SOX5: variants seen among roughly 807,000 people sequenced by gnomAD.
SOX5 encodes transcription factor SOX-5.
A neutral mutation model predicts 92.0 loss-of-function variants in SOX5; 9 were observed. The observed-to-expected ratio is 0.10, with a 90% CI of 0.06 to 0.17. SOX5 has a LOEUF of 0.17. Ranked by LOEUF, SOX5 falls within the 10% of genes least tolerant of loss-of-function variation. The pLI, the probability that SOX5 is intolerant of heterozygous loss-of-function variation, is 1.00. For synonymous variants in SOX5, 344 were observed against 336.3 expected, an observed-to-expected ratio of 1.02 and a Z score of -0.25; for missense variants, 642 against 944.5, an observed-to-expected ratio of 0.68 and a Z score of 4.20.
At chr12:23,949,850 A>G, upstream of SOX5, 1 of 435,168 alleles carries the variant, frequency 2.3e-6, no homozygotes, top group Non-Finnish European at 4.1e-6. Flanking sequence ...CAGTCTCTTA[A>G]AGGGGTAGTG....
intron 4 of SOX5, among the ~76,000 whole-genome samples, chr12:23,744,391 A>G (rs2093910522): frequency 6.6e-6 from 1 of 152,164 alleles, no homozygotes; most frequent in Non-Finnish European, 1.5e-5. Context: ...AGAATGGGGT[A>G]TCTCTGAGGG....
chr12:23,910,452 T>C (rs954003638), intron 1 of SOX5, among the ~76,000 whole-genome samples: 3 of 152,126 alleles, frequency 2.0e-5, no homozygotes, highest in Non-Finnish European at 4.4e-5. Context: ...AATACGCATT[T>C]CCTATTTTCA....
At chr12:23,637,116 TC>T (rs2079363233) in intron 8 of SOX5, among the ~76,000 whole-genome samples, 1 of 152,118 alleles carries the variant, frequency 6.6e-6, no homozygotes, top group Admixed American at 6.6e-5. Flanking sequence ...GAAAACAGGA[TC>T]CTTTTGTGTT....
In SOX5 at chr12:23,610,705, A is replaced by T. The variant is rs115572702; in HGVS notation, c.1018-6172T>A. On this transcript the variant is annotated intron_variant, in intron 8 of 14. Coordinates refer to ENST00000451604, the MANE Select transcript of SOX5 (RefSeq NM_006940.6). ...AGTAATATAGATAAAATTCACATTC[A>T]TTCACTCATTTCATTTGCTTGAGAG... Among the ~76,000 whole-genome samples the T allele has an allele frequency of 8.2e-3, 1,253 of 152,246 alleles. 14 individuals are homozygous for T. The highest frequency in any genetic ancestry group is 0.029 in the African/African-American group (1,208 of 41,554).
intron 2 of SOX5, among the ~76,000 whole-genome samples, chr12:23,883,190 A>AC (rs1408475789): frequency 6.6e-6 from 1 of 151,990 alleles, no homozygotes; most frequent in Non-Finnish European, 1.5e-5. Flanking sequence ...CAAAAAAAAA[A>AC]AACCAGATAC....
At position 23,693,597 on chromosome 12, in the gene SOX5, AAGTT is replaced by A. The variant is rs1208857077; in HGVS notation, c.811-28037_811-28034del. ...CTTGATATTTATTAACATTATTATG[AAGTT>A]TTGGAGTTGCTGTGTTTTGTTTTCT... On this transcript the variant is annotated intron_variant, in intron 6 of 14. Transcript: ENST00000451604. Among the ~76,000 whole-genome samples, 5 of 152,202 alleles carry A rather than the reference AAGTT, an allele frequency of 3.3e-5. No individual in the cohort carries two copies. The East Asian group carries it at 5.8e-4, about 18-fold the overall frequency.
intron 4 of SOX5, among the ~76,000 whole-genome samples, chr12:24,067,634 CTTA>C (rs967468196): frequency 2.0e-5 from 3 of 152,152 alleles, no homozygotes; most frequent in African/African-American, 7.2e-5. Context: ...CATGGTCCTC[CTTA>C]TTATTCTGAG....
rs925344909 is a variant in SOX5, at chr12:23,532,180, T to TAA, written c.*2037_*2038dup. 3 of 151,590 alleles carry TAA rather than the reference T, an allele frequency of 2.0e-5. No homozygotes were observed. The highest frequency in any genetic ancestry group is 1.3e-4 in the Admixed American group (2 of 15,194). 9.4% of individuals were successfully genotyped at this position (151,590 alleles called of 1,614,324 possible). ...CAAAAAGAGGCAGTTCAAATGTAAA[T>TAA]AAAGTCATCAAAAACAAACAAACAG... is the stretch of plus-strand genomic sequence containing the variant. On this transcript the variant is annotated 3_prime_UTR_variant, in exon 15 of 15. Coordinates refer to ENST00000451604, the MANE Select transcript of SOX5 (RefSeq NM_006940.6).
At chr12:24,292,753 A>G (rs924217811) in intron 2 of SOX5, among the ~76,000 whole-genome samples, 6 of 152,226 alleles carry the variant, frequency 3.9e-5, no homozygotes, top group Non-Finnish European at 5.9e-5. Context: ...GACTGTATCA[A>G]GTTTGAGAAA....
At chr12:24,314,719 T>C (rs572751413) in intron 2 of SOX5, among the ~76,000 whole-genome samples, 6 of 152,344 alleles carry the variant, frequency 3.9e-5, no homozygotes, top group Admixed American at 3.3e-4. Context: ...CACTCCTTCA[T>C]GCATTCTGCT....
intron 4 of SOX5, among the ~76,000 whole-genome samples, chr12:24,114,049 G>A (rs375605566): frequency 2.0e-5 from 3 of 152,302 alleles, no homozygotes; most frequent in African/African-American, 7.2e-5. Flanking sequence ...GGAGAATTTA[G>A]AATTATGGCT....
intron 1 of SOX5, among the ~76,000 whole-genome samples, chr12:24,394,300 A>T (rs1365017279): frequency 6.6e-6 from 1 of 152,224 alleles, no homozygotes; most frequent in Non-Finnish European, 1.5e-5. Flanking sequence ...GCCAAGAAAC[A>T]GCACAGAGAG....
At chr12:24,362,969 T>G (rs563326718) in intron 2 of SOX5, among the ~76,000 whole-genome samples, 5 of 152,002 alleles carry the variant, frequency 3.3e-5, no homozygotes, top group Admixed American at 2.0e-4. Context: ...AAGACCCAAT[T>G]CCTCAAATTC....
intron 4 of SOX5, among the ~76,000 whole-genome samples, chr12:24,112,186 C>A (rs1269688686): frequency 1.3e-5 from 2 of 152,148 alleles, no homozygotes; most frequent in Non-Finnish European, 2.9e-5. Flanking sequence ...TTAACGAGAG[C>A]CGCCCAGTGA....
In SOX5 at chr12:23,834,540, C is replaced by T. The variant is rs565674584; in HGVS notation, c.481+11443G>A. Among the ~76,000 whole-genome samples the T allele has an allele frequency of 2.6e-5, 4 of 151,968 alleles. No individual in the cohort carries two copies. In the South Asian group the frequency reaches 8.3e-4, roughly 32 times the overall value. On this transcript the variant is annotated intron_variant, in intron 3 of 14. Coordinates refer to ENST00000451604, the MANE Select transcript of SOX5 (RefSeq NM_006940.6). ...ATTAACACCTGGCAGGAGAGTTGGACATTTGTTAAGGTCTCTCCTTTCCTT... is the reference window on the plus strand; with the variant it reads ...ATTAACACCTGGCAGGAGAGTTGGATATTTGTTAAGGTCTCTCCTTTCCTT...
intron 13 of SOX5, among the ~76,000 whole-genome samples, chr12:23,539,588 A>G (rs1322685271): frequency 7.1e-6 from 1 of 140,316 alleles, no homozygotes; most frequent in African/African-American, 2.6e-5. Context: ...ACTAACTTAA[A>G]GAAAGCTGGT....
chr12:24,342,585 T>C (rs1275271731), intron 2 of SOX5, among the ~76,000 whole-genome samples: 1 of 152,242 alleles, frequency 6.6e-6, no homozygotes, highest in African/African-American at 2.4e-5. Context: ...CTAATTCGTA[T>C]AAATCATAGA....
At chr12:23,579,619 A>G (rs1949766734) in intron 9 of SOX5, among the ~76,000 whole-genome samples, 1 of 152,136 alleles carries the variant, frequency 6.6e-6, no homozygotes, top group Non-Finnish European at 1.5e-5. Context: ...TGGACAATTT[A>G]TTTCTGGCAT....
upstream of SOX5, chr12:23,949,774 C>G (rs1169500387): frequency 3.1e-5 from 16 of 515,610 alleles, no homozygotes; most frequent in Admixed American, 4.2e-5. Flanking sequence ...CTGTCTCTCT[C>G]TCTCTCTCTC....
Sources: allele counts gnomAD v4.1 joint callset (sites outside exome capture counted in the v4.1 genomes callset), GRCh38; gene constraint gnomAD v4.1.1; transcripts MANE v1.5; gene names NCBI Gene and HGNC (gene_info 2026-07-23, HGNC 2026-07-21).